SGCD: variants seen among roughly 807,000 people sequenced by gnomAD.
The protein encoded by SGCD is sarcoglycan delta.
SGCD carries 18 observed loss-of-function variants against 36.6 expected under a neutral mutation model. The ratio of observed to expected loss-of-function variants is 0.49; its 90% confidence interval spans 0.34 to 0.73. SGCD has a LOEUF of 0.73. SGCD is among the 30% of genes least tolerant of loss of function. SGCD has a pLI of 0.01. For synonymous variants in SGCD, 133 were observed against 130.6 expected (o/e 1.02, Z -0.12); for missense variants, 387 against 346.7 (o/e 1.12, Z -0.92).
chr5:156,764,089 A>G lies in SGCD; in HGVS notation c.*4699A>G, dbSNP rs1298572542. On this transcript the variant is annotated 3_prime_UTR_variant, in exon 9 of 9. Transcript: ENST00000337851. ...ATCTTAGGCATGAAAAGGATAAGGA[A>G]ACAGCTCCTGGAATGATACATTTGC... is the stretch of plus-strand genomic sequence containing the variant. 1 of 152,212 alleles carries G rather than the reference A, an allele frequency of 6.6e-6. No homozygotes were observed. Among genetic ancestry groups the G allele is most frequent in the Non-Finnish European group, 1.5e-5 (1 of 68,030 alleles). The allele number at this position is 152,212 out of a possible 1,614,324, so 9.4% of individuals were successfully genotyped here.
chr5:156,023,680 G>T (rs776210482), intron 1 of SGCD, among the ~76,000 whole-genome samples: 2 of 152,216 alleles, frequency 1.3e-5, no homozygotes, highest in Non-Finnish European at 2.9e-5. Flanking sequence ...AAGAGGAAGT[G>T]TGAGAACGTT....
chr5:155,876,204 C>T (rs1432478158), intron 1 of SGCD, among the ~76,000 whole-genome samples: 1 of 112,736 alleles, frequency 8.9e-6, no homozygotes, highest in Non-Finnish European at 1.8e-5. Context: ...CCCCCCTCCC[C>T]CCACCCCACC....
At chr5:155,832,248 G>A in the SGCD span, among the ~76,000 whole-genome samples, 13 of 152,256 alleles carry the variant, frequency 8.5e-5, no homozygotes, top group South Asian at 2.5e-3. Flanking sequence ...GTCACTGGAG[G>A]TATTCAGGAA....
At chr5:156,236,877 A>T (rs531635493) in intron 3 of SGCD, among the ~76,000 whole-genome samples, 1 of 150,184 alleles carries the variant, frequency 6.7e-6, no homozygotes, top group African/African-American at 2.5e-5. Flanking sequence ...TCTGTTGCCT[A>T]GGATGGAGCA....
chr5:156,570,264 T>C (rs1022527492), intron 4 of SGCD, among the ~76,000 whole-genome samples: 1 of 152,210 alleles, frequency 6.6e-6, no homozygotes, highest in Non-Finnish European at 1.5e-5. Flanking sequence ...TTTTTGCAAA[T>C]GGTTTAGTAT....
chr5:155,868,352 CTT>C (rs1208370733), upstream of SGCD, among the ~76,000 whole-genome samples: 2 of 136,910 alleles, frequency 1.5e-5, no homozygotes, highest in Non-Finnish European at 3.0e-5. Context: ...GTATCCAGCC[CTT>C]TTTTTCTTTT....
intron 3 of SGCD, among the ~76,000 whole-genome samples, chr5:156,291,568 T>C (rs758669531): frequency 1.3e-4 from 20 of 152,172 alleles, no homozygotes; most frequent in Non-Finnish European, 2.6e-4. Context: ...TATTTGTTCA[T>C]TGATTTAATT....
At chr5:156,178,861 C>T (rs1763535289) in intron 3 of SGCD, among the ~76,000 whole-genome samples, 1 of 152,160 alleles carries the variant, frequency 6.6e-6, no homozygotes, top group South Asian at 2.1e-4. Context: ...CCACCGCGCC[C>T]AGCCTGAATG....
the SGCD span, among the ~76,000 whole-genome samples, chr5:155,820,523 TAAAC>T: frequency 9.2e-5 from 14 of 151,920 alleles, no homozygotes; most frequent in South Asian, 8.3e-4. Context: ...AATAAATGAA[TAAAC>T]AAACAAACAA....
In SGCD at chr5:156,408,763, C is replaced by T. The variant is rs151099891; in HGVS notation, c.192+64086C>T. The stretch of plus-strand genomic sequence containing the variant: ...TCATCCTCTCTTTCTTTCCCATTCC[C>T]GAGGATATTTTGCCTTCTTTTCCAA... On this transcript the variant is annotated intron_variant, in intron 3 of 8. Coordinates refer to ENST00000337851, the MANE Select transcript of SGCD (RefSeq NM_000337.6). Among the ~76,000 whole-genome samples the T allele has an allele frequency of 4.7e-3, 721 of 152,266 alleles. 10 individuals are homozygous for T. Among genetic ancestry groups the T allele is most frequent in the African/African-American group, 0.016 (666 of 41,546 alleles).
chr5:156,541,941 C>T (rs749307574), intron 4 of SGCD, among the ~76,000 whole-genome samples: 2 of 152,172 alleles, frequency 1.3e-5, no homozygotes, highest in African/African-American at 2.4e-5. Context: ...TGCCATACAA[C>T]TTGGCATTTT....
At chr5:156,681,737 G>A (rs1366397900) in intron 7 of SGCD, among the ~76,000 whole-genome samples, 1 of 152,160 alleles carries the variant, frequency 6.6e-6, no homozygotes, top group African/African-American at 2.4e-5. Flanking sequence ...ATAGATGATG[G>A]GGGAGAACAA....
chr5:156,583,177 G>A (rs1193972256), intron 4 of SGCD, among the ~76,000 whole-genome samples: 1 of 152,134 alleles, frequency 6.6e-6, no homozygotes, highest in African/African-American at 2.4e-5. Context: ...TAGGATTGAA[G>A]GCAATGCCAA....
chr5:156,264,801 G>C (rs1443962914), intron 3 of SGCD, among the ~76,000 whole-genome samples: 1 of 152,122 alleles, frequency 6.6e-6, no homozygotes, highest in Non-Finnish European at 1.5e-5. Flanking sequence ...AGAGGATTTT[G>C]TCAATTTTGT....
At chr5:156,193,197 A>C (rs1225172173) in intron 3 of SGCD, among the ~76,000 whole-genome samples, 1 of 152,110 alleles carries the variant, frequency 6.6e-6, no homozygotes, top group Non-Finnish European at 1.5e-5. Context: ...GAAGAAGAGC[A>C]GCTGGACTCC....
chr5:156,545,310 T>C (rs1758525975), intron 4 of SGCD, among the ~76,000 whole-genome samples: 2 of 152,174 alleles, frequency 1.3e-5, no homozygotes, highest in Admixed American at 6.5e-5. Flanking sequence ...GCATGAAGTC[T>C]GGAGCCTCAG....
intron 7 of SGCD, among the ~76,000 whole-genome samples, chr5:156,734,126 G>T (rs879270847): frequency 6.6e-6 from 1 of 152,068 alleles, no homozygotes; most frequent in Non-Finnish European, 1.5e-5. Flanking sequence ...GCATTTGTTT[G>T]TCTGAAAATG....
intron 1 of SGCD, among the ~76,000 whole-genome samples, chr5:155,888,655 T>C (rs1026983564): frequency 6.6e-6 from 1 of 152,158 alleles, no homozygotes. Context: ...AAGACCTATT[T>C]CTTTAGATTC....
the SGCD span, among the ~76,000 whole-genome samples, chr5:155,857,079 CA>C: frequency 2.6e-5 from 4 of 151,452 alleles, no homozygotes; most frequent in African/African-American, 7.3e-5. Context: ...ACGAAAAATA[CA>C]AAAAAAATTA....
Sources: gnomAD v4.1 joint callset for allele counts (sites outside exome capture counted in the v4.1 genomes callset) on GRCh38, gnomAD v4.1.1 for gene constraint, MANE v1.5 for transcripts, NCBI Gene and HGNC (gene_info 2026-07-23, HGNC 2026-07-21) for gene names.